Variants in ITGB8 observed in about 807,000 individuals in gnomAD.
ITGB8 encodes the protein integrin subunit beta 8.
In ITGB8, 30 loss-of-function variants were observed where a neutral mutation model predicts 89.5. That is an observed-to-expected ratio of 0.34 (90% CI 0.25 to 0.45). The LOEUF is 0.45. ITGB8 is among the 20% of genes least tolerant of loss of function. The pLI, the probability that ITGB8 is intolerant of heterozygous loss-of-function variation, is 1.00. For missense variants in ITGB8, 836 were observed against 933.3 expected (o/e 0.90, Z 1.36); for synonymous variants, 335 against 320.4 (o/e 1.05, Z -0.49).
intron 6 of ITGB8, among the ~76,000 whole-genome samples, chr7:20,385,618 T>C (rs1273689728): frequency 1.3e-5 from 2 of 152,194 alleles, no homozygotes; most frequent in Non-Finnish European, 2.9e-5. Flanking sequence ...CTGGCAAAAA[T>C]AGTCAACACT....
intron 1 of ITGB8, among the ~76,000 whole-genome samples, chr7:20,338,715 T>C (rs1784655053): frequency 6.6e-6 from 1 of 152,192 alleles, no homozygotes; most frequent in Admixed American, 6.5e-5. Flanking sequence ...TAAGGTAGTC[T>C]GGTAGTCTTG....
chr7:20,360,669 C>CATT (rs35543999), intron 1 of ITGB8, among the ~76,000 whole-genome samples: 89,539 of 151,286 alleles, frequency 0.59, 27,348 homozygotes, highest in African/African-American at 0.72. Flanking sequence ...CTGCAAAGGA[C>CATT]ATTATTTTTT....
At chr7:20,388,631 C>A (rs759172648) in intron 6 of ITGB8, among the ~76,000 whole-genome samples, 1 of 151,180 alleles carries the variant, frequency 6.6e-6, no homozygotes, top group Non-Finnish European at 1.5e-5. Flanking sequence ...TTCGACTAAT[C>A]TTTTTTTTTC....
In ITGB8 at chr7:20,402,238, G is replaced by C. The variant is rs185752972; in HGVS notation, c.1687+112G>C. The C allele has an allele frequency of 4.4e-5, 42 of 946,556 alleles. 1 individual carries two copies. In the Admixed American group the frequency reaches 5.3e-4, roughly 12 times the overall value. 58.6% of individuals were successfully genotyped at this position (946,556 alleles called of 1,614,324 possible). A position where few individuals can be genotyped will look rare whatever the true frequency, so the allele number is the denominator to read the frequency against. ...AATTAGCAAAACTGAATCTGAATTT[G>C]TTATTCAAAGTTTCAAAGTCCATGA... On this transcript the variant is annotated intron_variant, in intron 10 of 13. Coordinates refer to ENST00000222573, the MANE Select transcript of ITGB8 (RefSeq NM_002214.3).
rs753485201 is a variant in ITGB8 at position 20,379,305 on chromosome 7, G to C, written c.635+8G>C. On this transcript the variant is annotated splice_region_variant and intron_variant, in intron 4 of 13. Coordinates refer to ENST00000222573, the MANE Select transcript of ITGB8 (RefSeq NM_002214.3). ...GATTCATAATCAATGCAGGTATCTAGGGTTTGATGTGGATATGCTAAATTA... is the reference window on the plus strand; with the variant it reads ...GATTCATAATCAATGCAGGTATCTACGGTTTGATGTGGATATGCTAAATTA... The C allele has an allele frequency of 1.3e-6, 2 of 1,539,960 alleles. No individual in the cohort carries two copies. The highest frequency in any genetic ancestry group is 4.8e-5 in the East Asian group (2 of 41,966).
At chr7:20,362,164 C>T (rs1345438151) in intron 1 of ITGB8, among the ~76,000 whole-genome samples, 1 of 152,208 alleles carries the variant, frequency 6.6e-6, no homozygotes, top group Non-Finnish European at 1.5e-5. Flanking sequence ...ACCTTCCCCT[C>T]TCATCCCCTT....
In ITGB8 at chr7:20,395,002, T is replaced by C. The variant is rs755498290; in HGVS notation, c.1146+17T>C. The C allele has an allele frequency of 8.2e-6, 12 of 1,465,440 alleles. No homozygotes were observed. The highest frequency in any genetic ancestry group is 1.0e-5 in the Non-Finnish European group (11 of 1,051,506). The allele number at this position is 1,465,440 out of a possible 1,614,324, so 90.8% of individuals were successfully genotyped here. A position where few individuals can be genotyped will look rare whatever the true frequency, so the allele number is the denominator to read the frequency against. On this transcript the variant is annotated intron_variant, in intron 8 of 13. Coordinates refer to ENST00000222573, the MANE Select transcript of ITGB8 (RefSeq NM_002214.3). ...GCCTATCAGGTATGTATATATTAGA[T>C]ACAATTTTTTAAATAAAATTTTTAC...
intron 3 of ITGB8, among the ~76,000 whole-genome samples, chr7:20,373,075 T>C (rs1315671496): frequency 2.0e-5 from 3 of 152,166 alleles, no homozygotes; most frequent in Non-Finnish European, 4.4e-5. Context: ...TTAATTTTGA[T>C]TTATCACTTT....
chr7:20,380,501 T>A (rs1385217361), intron 4 of ITGB8, 165 bp from the exon 5 acceptor site: 1 of 592,888 alleles, frequency 1.7e-6, no homozygotes, highest in Non-Finnish European at 2.9e-6. Flanking sequence ...GTCATCAGCA[T>A]TGAGCTTATC....
intron 6 of ITGB8, among the ~76,000 whole-genome samples, chr7:20,383,358 A>C (rs79178739): frequency 0.019 from 2,863 of 152,176 alleles, 48 homozygotes; most frequent in Non-Finnish European, 0.027. Flanking sequence ...ATTCTCTTCT[A>C]CTCAGCCTTA....
intron 9 of ITGB8, among the ~76,000 whole-genome samples, chr7:20,399,798 C>T (rs952349290): frequency 6.6e-6 from 1 of 152,072 alleles, no homozygotes; most frequent in Non-Finnish European, 1.5e-5. Flanking sequence ...AGATTTCCAA[C>T]CCCTTTTAAT....
intron 10 of ITGB8, among the ~76,000 whole-genome samples, chr7:20,403,607 G>T (rs1787403067): frequency 6.6e-6 from 1 of 152,186 alleles, no homozygotes; most frequent in Non-Finnish European, 1.5e-5. Flanking sequence ...GCCGACATTT[G>T]TCTGGCCTGG....
chr7:20,353,710 G>A (rs1785187067), intron 1 of ITGB8, among the ~76,000 whole-genome samples: 1 of 151,542 alleles, frequency 6.6e-6, no homozygotes, highest in East Asian at 1.9e-4. Context: ...GAGGCGGGCG[G>A]ATCACGAGGT....
chr7:20,390,807 T>C (rs1399699555), intron 6 of ITGB8, among the ~76,000 whole-genome samples: 1 of 152,110 alleles, frequency 6.6e-6, no homozygotes, highest in Non-Finnish European at 1.5e-5. Context: ...GAAGATGGAA[T>C]TGAGAACTTT....
At chr7:20,345,745 G>A (rs1034305913) in intron 1 of ITGB8, among the ~76,000 whole-genome samples, 4 of 152,176 alleles carry the variant, frequency 2.6e-5, no homozygotes, top group South Asian at 2.1e-4. Flanking sequence ...AGGGTGATAT[G>A]TGAAACTGGA....
At chr7:20,336,515 T>C (rs1050178685) in intron 1 of ITGB8, among the ~76,000 whole-genome samples, 1 of 152,078 alleles carries the variant, frequency 6.6e-6, no homozygotes, top group African/African-American at 2.4e-5. Context: ...TTGAAACAAA[T>C]AAACAGGAGC....
chr7:20,350,463 A>C (rs1785078104), intron 1 of ITGB8, among the ~76,000 whole-genome samples: 1 of 152,160 alleles, frequency 6.6e-6, no homozygotes, highest in Non-Finnish European at 1.5e-5. Flanking sequence ...TGGCCTTTTA[A>C]AATAAATCTT....
chr7:20,361,837 G>T (rs1195270027), intron 1 of ITGB8, among the ~76,000 whole-genome samples: 1 of 152,160 alleles, frequency 6.6e-6, no homozygotes, highest in African/African-American at 2.4e-5. Context: ...TAGCCAAGCT[G>T]GTGGTAAAGG....
intron 1 of ITGB8, among the ~76,000 whole-genome samples, chr7:20,341,278 C>A (rs1784746285): frequency 6.6e-6 from 1 of 152,030 alleles, no homozygotes; most frequent in East Asian, 1.9e-4. Flanking sequence ...ACAGATGGGG[C>A]ACAATTTCCA....
Sources: gnomAD v4.1 joint callset for allele counts (sites outside exome capture counted in the v4.1 genomes callset) on GRCh38, gnomAD v4.1.1 for gene constraint, MANE v1.5 for transcripts, NCBI Gene and HGNC (gene_info 2026-07-23, HGNC 2026-07-21) for gene names.